DLC1: variants seen among roughly 807,000 people sequenced by gnomAD.
DLC1 encodes the protein rho GTPase-activating protein 7.
DLC1 carries 54 observed loss-of-function variants against 140.3 expected under a neutral mutation model. The ratio of observed to expected loss-of-function variants is 0.38; its 90% CI spans 0.31 to 0.48. DLC1 has a LOEUF of 0.48. Among genes scored for constraint, DLC1 ranks in the 20% least tolerant of loss-of-function variants. DLC1 has a pLI of 0.96. For missense variants in DLC1, 2,536 were observed against 1,907.0 expected (o/e 1.33, Z -6.14); for synonymous variants, 986 against 728.1 (o/e 1.35, Z -5.70).
At chr8:13,342,073 T>A (rs771985349) in intron 4 of DLC1, 20 of 152,212 alleles carry the variant, frequency 1.3e-4, no homozygotes, top group Non-Finnish European at 2.4e-4. Flanking sequence ...ATGCATTCAT[T>A]CTGTGAATTC....
intron 5 of DLC1, among the ~76,000 whole-genome samples, chr8:13,219,449 TATAA>T (rs1463798635): frequency 6.5e-4 from 38 of 58,066 alleles, no homozygotes; most frequent in African/African-American, 2.9e-3. Context: ...TTATAAAATA[TATAA>T]ACAGGAATAG....
At position 13,192,002 on chromosome 8, in the gene DLC1, T is replaced by A. The variant is rs565910262; in HGVS notation, c.1349-76345A>T. 1.0e-3 allele frequency among the ~76,000 whole-genome samples: 151 copies of A among 151,640 alleles called. 1 individual carries two copies. The highest frequency in any genetic ancestry group is 3.4e-3 in the African/African-American group (142 of 41,370). Reference sequence around the variant, plus strand: ...TGTTGCCCAGGCTGGAGTACAGTGGTGTGATCTCGGCTCACTGCAGCCTCT... The same window carrying A: ...TGTTGCCCAGGCTGGAGTACAGTGGAGTGATCTCGGCTCACTGCAGCCTCT... On this transcript the variant is annotated intron_variant, in intron 5 of 17. Coordinates refer to ENST00000276297, the MANE Select transcript of DLC1 (RefSeq NM_182643.3).
intron 5 of DLC1, among the ~76,000 whole-genome samples, chr8:13,144,180 AAC>A (rs1410487707): frequency 6.6e-6 from 1 of 152,228 alleles, no homozygotes; most frequent in Non-Finnish European, 1.5e-5. Context: ...ACCCAGATAG[AAC>A]ACAAGACAGA....
At position 13,499,235 on chromosome 8, in the gene DLC1, C is replaced by T. The variant is rs137974083; in HGVS notation, c.837G>A (p.Leu279=). 2 of 1,614,056 alleles carry T rather than the reference C, an allele frequency of 1.2e-6. No homozygotes were observed. Among genetic ancestry groups the T allele is most frequent in the South Asian group, 1.1e-5 (1 of 91,094 alleles). Reference sequence around the variant, plus strand: ...TTCCATTGGGGCAGGAAGGAGGCTGCAGAAGGCAGCTTCCAAAATCTGTTT... The same window carrying T: ...TTCCATTGGGGCAGGAAGGAGGCTGTAGAAGGCAGCTTCCAAAATCTGTTT... ...LLKTDFGSCL[L]QPPSCPNGMS... The change falls in exon 2 of 18, where the codon CTG becomes CTA. Residue 279 remains leucine (L), a synonymous_variant. Coordinates refer to ENST00000276297, the MANE Select transcript of DLC1 (RefSeq NM_182643.3).
At chr8:13,392,886 C>G (rs953005016) in intron 4 of DLC1, among the ~76,000 whole-genome samples, 3 of 152,004 alleles carry the variant, frequency 2.0e-5, no homozygotes, top group Non-Finnish European at 4.4e-5. Context: ...ATGACAGTAC[C>G]TTACATTTAT....
chr8:13,404,348 A>G (rs1837430113), intron 2 of DLC1, among the ~76,000 whole-genome samples: 1 of 152,098 alleles, frequency 6.6e-6, no homozygotes, highest in African/African-American at 2.4e-5. Context: ...TACTGACTGC[A>G]GGGTTGGAAG....
rs138592982 is a variant in DLC1 at position 13,257,306 on chromosome 8, G to A, written c.1348+47963C>T. Among the ~76,000 whole-genome samples the A allele has an allele frequency of 4.5e-3, 691 of 152,064 alleles. 9 individuals are homozygous for A. The highest frequency in any genetic ancestry group is 0.016 in the African/African-American group (666 of 41,494). On this transcript the variant is annotated intron_variant, in intron 5 of 17. Transcript: ENST00000276297. ...TAAAAAATCAGCTGAGCAAGGTGGT[G>A]CATACCTGTAGTCCTAGCTACTCAG...
intron 5 of DLC1, among the ~76,000 whole-genome samples, chr8:13,184,306 T>C (rs934443349): frequency 6.6e-6 from 1 of 152,224 alleles, no homozygotes; most frequent in Non-Finnish European, 1.5e-5. Flanking sequence ...TTTTTGTGTC[T>C]CTATCTCCTT....
chr8:13,386,690 A>C (rs1329447584), intron 4 of DLC1, among the ~76,000 whole-genome samples: 1 of 152,078 alleles, frequency 6.6e-6, no homozygotes. Flanking sequence ...ACACTTATTT[A>C]TTATTTCAAA....
intron 5 of DLC1, among the ~76,000 whole-genome samples, chr8:13,154,229 C>T (rs115238907): frequency 0.023 from 3,456 of 152,314 alleles, 127 homozygotes; most frequent in African/African-American, 0.078. Flanking sequence ...CCTCAGCCCT[C>T]GGGTGGTCAC....
chr8:13,295,301 T>C (rs1001209153), intron 5 of DLC1, among the ~76,000 whole-genome samples: 4 of 152,242 alleles, frequency 2.6e-5, no homozygotes, highest in African/African-American at 9.6e-5. Flanking sequence ...AAAACAAATA[T>C]AATACCCTAC....
intron 1 of DLC1, among the ~76,000 whole-genome samples, chr8:13,574,351 G>C (rs1365254037): frequency 6.6e-6 from 1 of 152,128 alleles, no homozygotes; most frequent in Non-Finnish European, 1.5e-5. Context: ...ATGACTATCT[G>C]AAATTTTGAA....
At position 13,086,002 on chromosome 8, in the gene DLC1, T is replaced by G. The variant is rs562835399; in HGVS notation, c.4467-71A>C. 2,795 of 1,583,588 alleles carry G rather than the reference T, an allele frequency of 1.8e-3. 66 individuals are homozygous for G. In the South Asian group the frequency reaches 0.028, roughly 16 times the overall value. ...AAGCATGGAAATAAAATGAGAAACA[T>G]CTGTTTGCTAGTTCAAATGCATAAA... is the stretch of plus-strand genomic sequence containing the variant. On this transcript the variant is annotated intron_variant, in intron 17 of 17. Coordinates refer to ENST00000276297, the MANE Select transcript of DLC1 (RefSeq NM_182643.3).
Position 13,500,288 on chromosome 8 carries a change from A to G in DLC1, c.-125-92T>C, listed in dbSNP as rs1391875164. ...AAGAGAAAACTTAATCTATGCTATC[A>G]AAGTTAAGAGATTTTATAAAGCTTC... On this transcript the variant is annotated intron_variant, in intron 1 of 17. Coordinates refer to ENST00000276297, the MANE Select transcript of DLC1 (RefSeq NM_182643.3). 3.1e-5 allele frequency: 14 copies of G among 455,044 alleles called. No individual in the cohort carries two copies. In the East Asian group the frequency reaches 4.0e-4, roughly 13 times the overall value. 28.2% of individuals were successfully genotyped at this position (455,044 alleles called of 1,614,324 possible).
chr8:13,120,356 A>AAAAAAAAAATATATATAT, intron 5 of DLC1, among the ~76,000 whole-genome samples: 2 of 61,136 alleles, frequency 3.3e-5, no homozygotes, highest in African/African-American at 4.2e-5. Context: ...AAAAAAAAAA[A>AAAAAAAAAATATATATAT]ATATATATAT....
At chr8:13,225,777 G>T (rs1003368904) in intron 5 of DLC1, among the ~76,000 whole-genome samples, 1 of 151,760 alleles carries the variant, frequency 6.6e-6, no homozygotes, top group African/African-American at 2.4e-5. Flanking sequence ...CACCACGCCC[G>T]GCTAATTTTT....
chr8:13,480,147 C>T (rs1800655112), intron 2 of DLC1, among the ~76,000 whole-genome samples: 1 of 152,046 alleles, frequency 6.6e-6, no homozygotes. Context: ...TACTGGGTCA[C>T]AGGAGAGTTG....
intron 5 of DLC1, among the ~76,000 whole-genome samples, chr8:13,140,603 T>A (rs1207508098): frequency 2.0e-5 from 3 of 152,082 alleles, no homozygotes. Flanking sequence ...ATATTAGGGA[T>A]ATTAACCATG....
chr8:13,270,302 G>A (rs961704267), intron 5 of DLC1, among the ~76,000 whole-genome samples: 1 of 152,156 alleles, frequency 6.6e-6, no homozygotes, highest in Non-Finnish European at 1.5e-5. Flanking sequence ...TGCAGACTGT[G>A]CATGCACACT....
Sources: gnomAD v4.1 joint callset for allele counts (sites outside exome capture counted in the v4.1 genomes callset) on GRCh38, gnomAD v4.1.1 for gene constraint, MANE v1.5 for transcripts, NCBI Gene and HGNC (gene_info 2026-07-23, HGNC 2026-07-21) for gene names.